SNTG2: variants seen among roughly 807,000 people sequenced by gnomAD.
SNTG2 encodes gamma-2-syntrophin.
In SNTG2, 74 loss-of-function variants were observed where a neutral mutation model predicts 70.9. That is an observed-to-expected ratio of 1.04 (90% CI 0.86 to 1.27). The LOEUF (loss-of-function observed/expected upper bound fraction) is 1.27, where lower values mean the gene tolerates loss of function less well. SNTG2 is among the 50% of genes most tolerant of loss of function. The pLI, the probability that SNTG2 is intolerant of heterozygous loss-of-function variation, is 0.00. For synonymous variants in SNTG2, 278 were observed against 273.8 expected (o/e 1.02, Z -0.15); for missense variants, 717 against 690.7 (o/e 1.04, Z -0.43).
At position 1,267,448 on chromosome 2, in the gene SNTG2, T is replaced by C. The variant is rs751701910; in HGVS notation, c.1161T>C (p.Tyr387=). ...TTGACTTTGAGGACCAGAGGCCCTA[T>C]TGCTTCAGCATCGTGGCCGGCCATG... ...QDFDFEDQRP[Y]CFSIVAGHGK... Residue 387 remains tyrosine (Y), a synonymous_variant, in exon 14 of 17, where the codon TAT becomes TAC. Coordinates refer to ENST00000308624, the MANE Select transcript of SNTG2 (RefSeq NM_018968.4). The C allele has an allele frequency of 5.0e-6, 8 of 1,613,490 alleles. No individual in the cohort carries two copies. Among genetic ancestry groups the C allele is most frequent in the South Asian group, 1.1e-5 (1 of 90,866 alleles).
At chr2:1,016,807 T>C (rs1466729687) in intron 1 of SNTG2, among the ~76,000 whole-genome samples, 1 of 152,240 alleles carries the variant, frequency 6.6e-6, no homozygotes, top group Non-Finnish European at 1.5e-5. Flanking sequence ...CATTAAAATG[T>C]AGCAAAATTA....
chr2:951,802 C>T (rs1174159557), intron 1 of SNTG2, among the ~76,000 whole-genome samples: 3 of 152,172 alleles, frequency 2.0e-5, no homozygotes, highest in African/African-American at 7.2e-5. Flanking sequence ...CACGTGGCCA[C>T]CCCAGCCCTA....
At chr2:1,358,029 G>A (rs939032781) in intron 16 of SNTG2, among the ~76,000 whole-genome samples, 1 of 152,000 alleles carries the variant, frequency 6.6e-6, no homozygotes, top group African/African-American at 2.4e-5. Flanking sequence ...AGTTCCTGAG[G>A]ATGGATTTCT....
At chr2:1,278,096 C>T (rs1281732510) in intron 14 of SNTG2, among the ~76,000 whole-genome samples, 3 of 152,258 alleles carry the variant, frequency 2.0e-5, no homozygotes, top group Non-Finnish European at 4.4e-5. Flanking sequence ...ACTGGGACAT[C>T]TCTTTCGGTT....
chr2:1,251,196 G>A (rs1448338790), intron 12 of SNTG2, among the ~76,000 whole-genome samples: 3 of 152,206 alleles, frequency 2.0e-5, no homozygotes, highest in Non-Finnish European at 2.9e-5. Flanking sequence ...TAAGGAAGCT[G>A]GATGTTACTC....
intron 8 of SNTG2, among the ~76,000 whole-genome samples, chr2:1,187,387 G>A (rs530005555): frequency 2.4e-4 from 37 of 152,192 alleles, no homozygotes; most frequent in Admixed American, 7.2e-4. Flanking sequence ...TCAGTTGAAG[G>A]CCTTAAAACA....
chr2:1,167,387 A>T (rs1200765919), intron 7 of SNTG2, among the ~76,000 whole-genome samples: 3 of 120,990 alleles, frequency 2.5e-5, no homozygotes, highest in African/African-American at 6.3e-5. Context: ...CAGAACTGAA[A>T]CCTACAGGCC....
At chr2:1,050,340 C>T (rs1032771895) in intron 1 of SNTG2, among the ~76,000 whole-genome samples, 21 of 152,104 alleles carry the variant, frequency 1.4e-4, no homozygotes, top group African/African-American at 3.9e-4. Flanking sequence ...AAATTTAGAT[C>T]AAAATTCCAG....
At chr2:1,148,377 C>A (rs910063388) in intron 6 of SNTG2, among the ~76,000 whole-genome samples, 12 of 152,168 alleles carry the variant, frequency 7.9e-5, no homozygotes, top group Non-Finnish European at 1.3e-4. Context: ...GGCGACATCA[C>A]CTCGTGTTCC....
intron 8 of SNTG2, among the ~76,000 whole-genome samples, chr2:1,184,046 G>T (rs546172615): frequency 6.6e-6 from 1 of 152,318 alleles, no homozygotes; most frequent in South Asian, 2.1e-4. Context: ...TGAATGTGGA[G>T]TGTTGAGTTA....
chr2:1,173,641 C>T (rs1296691776), intron 8 of SNTG2, among the ~76,000 whole-genome samples: 1 of 152,280 alleles, frequency 6.6e-6, no homozygotes, highest in Non-Finnish European at 1.5e-5. Flanking sequence ...AAAGGAGAAC[C>T]TGCAGCTCCC....
In SNTG2 at chr2:1,185,548, C is replaced by T. The variant is rs1373707454; in HGVS notation, c.591+12365C>T. On this transcript the variant is annotated intron_variant, in intron 8 of 16. Transcript: ENST00000308624. ...CTAGGCGGAGGCTCCCAAACCTTGACTCTTGCCCTCTGGGCACCTGCAGGC... is the reference window on the plus strand; with the variant it reads ...CTAGGCGGAGGCTCCCAAACCTTGATTCTTGCCCTCTGGGCACCTGCAGGC... Among the ~76,000 whole-genome samples, 3 of 152,248 alleles carry T rather than the reference C, an allele frequency of 2.0e-5. No homozygotes were observed. In the East Asian group the frequency reaches 5.8e-4, roughly 29 times the overall value.
At chr2:1,204,306 T>C (rs1003055105) in intron 8 of SNTG2, among the ~76,000 whole-genome samples, 3 of 152,208 alleles carry the variant, frequency 2.0e-5, no homozygotes, top group Non-Finnish European at 4.4e-5. Context: ...CATTTATGCC[T>C]CAATACAGTT....
chr2:971,723 T>A (rs1420346130), intron 1 of SNTG2, among the ~76,000 whole-genome samples: 10 of 151,922 alleles, frequency 6.6e-5, no homozygotes, highest in Admixed American at 6.6e-4. Flanking sequence ...CCTTTTTTTT[T>A]TTCTCATTCC....
chr2:1,273,247 T>A lies in SNTG2; in HGVS notation c.1284+5676T>A, dbSNP rs553345539. On this transcript the variant is annotated intron_variant, in intron 14 of 16. Transcript: ENST00000308624. The stretch of plus-strand genomic sequence containing the variant: ...TCCATTTCTGGACTTAGGTTTGCTC[T>A]CTGGTCTGAGCTGCTCTCACAGAAC... 2.0e-5 allele frequency among the ~76,000 whole-genome samples: 3 copies of A among 152,324 alleles called. No homozygotes were observed. The East Asian group carries it at 5.8e-4, about 29-fold the overall frequency.
intron 1 of SNTG2, among the ~76,000 whole-genome samples, chr2:970,435 C>T (rs1451075840): frequency 4.2e-4 from 58 of 137,988 alleles, no homozygotes; most frequent in African/African-American, 1.6e-3. Context: ...CACCCCACAA[C>T]AGTCCCCAGA....
chr2:1,215,037 A>C (rs1674288641), intron 9 of SNTG2, among the ~76,000 whole-genome samples: 1 of 151,912 alleles, frequency 6.6e-6, no homozygotes, highest in African/African-American at 2.4e-5. Context: ...AATTAGATTT[A>C]TTGATTTTGC....
intron 16 of SNTG2, among the ~76,000 whole-genome samples, chr2:1,327,703 A>G (rs1364020892): frequency 6.6e-6 from 1 of 152,226 alleles, no homozygotes; most frequent in Non-Finnish European, 1.5e-5. Flanking sequence ...ATGCAAGCAT[A>G]ATTTACTGAT....
At chr2:1,246,492 G>A (rs1677437019) in intron 11 of SNTG2, among the ~76,000 whole-genome samples, 1 of 152,200 alleles carries the variant, frequency 6.6e-6, no homozygotes, top group Admixed American at 6.5e-5. Context: ...GGGTGTCCAG[G>A]TCCCAGCTGG....
Sources: gnomAD v4.1 joint callset for allele counts (sites outside exome capture counted in the v4.1 genomes callset) on GRCh38, gnomAD v4.1.1 for gene constraint, MANE v1.5 for transcripts, NCBI Gene and HGNC (gene_info 2026-07-23, HGNC 2026-07-21) for gene names.